AUH: variants seen among roughly 807,000 people sequenced by gnomAD.
AUH encodes the protein methylglutaconyl-CoA hydratase, mitochondrial.
In AUH, 29 loss-of-function variants were observed where a neutral mutation model predicts 42.3. The observed-to-expected ratio is 0.69, with a 90% CI of 0.51 to 0.93. The LOEUF (loss-of-function observed/expected upper bound fraction) is 0.93, where lower values mean the gene tolerates loss of function less well. Among genes scored for constraint, AUH ranks in the 40% least tolerant of loss-of-function variants. The pLI is 0.00. For missense variants in AUH, 452 were observed against 438.1 expected (o/e 1.03, Z -0.28); for synonymous variants, 174 against 166.4 (o/e 1.05, Z -0.35).
At position 91,303,233 on chromosome 9, in the gene AUH, C is replaced by T. The variant is rs189646623; in HGVS notation, c.506-5157G>A. Among the ~76,000 whole-genome samples the T allele has an allele frequency of 6.4e-4, 98 of 152,204 alleles. 1 individual carries two copies. The highest frequency in any genetic ancestry group is 2.2e-3 in the African/African-American group (93 of 41,528). On this transcript the variant is annotated intron_variant, in intron 4 of 9. Transcript: ENST00000375731. ...TGGGGAAAATTAAAGTATCTACTTT[C>T]GATTCTCAGATAAATACAACACATA...
chr9:91,267,687 T>C (rs557806858), intron 6 of AUH, among the ~76,000 whole-genome samples: 3 of 152,208 alleles, frequency 2.0e-5, no homozygotes, highest in Non-Finnish European at 4.4e-5. Context: ...TTGCTGTTAG[T>C]GGTTTAAGGG....
intron 6 of AUH, among the ~76,000 whole-genome samples, chr9:91,237,879 T>C (rs1277706190): frequency 1.3e-5 from 2 of 152,190 alleles, no homozygotes; most frequent in Non-Finnish European, 2.9e-5. Context: ...ATCAAGTTTA[T>C]TTACAATAGC....
At chr9:91,241,731 T>C (rs973001426) in intron 6 of AUH, among the ~76,000 whole-genome samples, 1 of 152,174 alleles carries the variant, frequency 6.6e-6, no homozygotes, top group Non-Finnish European at 1.5e-5. Context: ...ACTTAATACC[T>C]TGATATCTAC....
chr9:91,301,218 C>T (rs1163064919), intron 4 of AUH, among the ~76,000 whole-genome samples: 3 of 152,074 alleles, frequency 2.0e-5, no homozygotes, highest in East Asian at 1.9e-4. Context: ...CTCCCTGCTA[C>T]GTAAGTGCTG....
At chr9:91,225,418 G>C (rs892870417) in intron 6 of AUH, among the ~76,000 whole-genome samples, 1 of 152,196 alleles carries the variant, frequency 6.6e-6, no homozygotes, top group Admixed American at 6.5e-5. Flanking sequence ...TAAAAGTGAA[G>C]ATAGCGTATC....
intron 3 of AUH, among the ~76,000 whole-genome samples, chr9:91,341,302 G>T (rs972884293): frequency 2.0e-5 from 3 of 152,138 alleles, no homozygotes; most frequent in Non-Finnish European, 4.4e-5. Flanking sequence ...CACCCACTAG[G>T]GGGGGCCCAT....
rs987385743 is a variant in AUH at position 91,214,375 on chromosome 9, T to C, written c.993A>G (p.Lys331=). The C allele has an allele frequency of 6.2e-7, 1 of 1,610,490 alleles. No individual in the cohort carries two copies. The highest frequency in any genetic ancestry group is 1.7e-5 in the Admixed American group (1 of 59,818). The part of the protein sequence containing the change: ...RLEGLLAFKE[K]RPPRYKGE The stretch of plus-strand genomic sequence containing the variant: ...ATTCTCCTTTATAGCGAGGGGGCCT[T>C]TTCTCTTTAAAAGCAAGAAGACCTT... The change falls in exon 10 of 10, where the codon AAA becomes AAG. Residue 331 remains lysine, a synonymous_variant. Coordinates refer to ENST00000375731, the MANE Select transcript of AUH (RefSeq NM_001698.3).
rs528370133 is a variant in AUH, at chr9:91,215,181, A to G, written c.943-756T>C. The stretch of plus-strand genomic sequence containing the variant: ...TTTTTTGCTATTTCAGATGCCCTAA[A>G]ACAAAGTTCTATCTTTCAGAGAAAG... On this transcript the variant is annotated intron_variant, in intron 9 of 9. Transcript: ENST00000375731. Among the ~76,000 whole-genome samples the G allele has an allele frequency of 1.4e-3, 213 of 152,346 alleles. 1 individual carries two copies. The highest frequency in any genetic ancestry group is 6.8e-3 in the Middle Eastern group (2 of 294).
intron 6 of AUH, among the ~76,000 whole-genome samples, chr9:91,227,357 T>C (rs1374620120): frequency 8.2e-6 from 1 of 122,504 alleles, no homozygotes; most frequent in Non-Finnish European, 1.8e-5. Flanking sequence ...TCTGTTTGTC[T>C]GTTGTTGGTG....
intron 4 of AUH, among the ~76,000 whole-genome samples, chr9:91,320,254 CTT>C (rs1362689418): frequency 6.6e-6 from 1 of 152,216 alleles, no homozygotes; most frequent in Admixed American, 6.5e-5. Flanking sequence ...GTATGCATAT[CTT>C]GTTTCTAACT....
chr9:91,293,730 G>C (rs960268266), intron 6 of AUH, among the ~76,000 whole-genome samples: 2 of 152,198 alleles, frequency 1.3e-5, no homozygotes, highest in Non-Finnish European at 2.9e-5. Flanking sequence ...AGAAGATCTA[G>C]CTAAGATCAC....
chr9:91,249,476 T>TTG (rs1245110704), intron 6 of AUH, among the ~76,000 whole-genome samples: 1 of 149,486 alleles, frequency 6.7e-6, no homozygotes, highest in East Asian at 2.0e-4. Context: ...CTTGTGGCTA[T>TTG]TCTTTGAGCT....
intron 3 of AUH, among the ~76,000 whole-genome samples, chr9:91,333,627 G>A (rs1422435693): frequency 1.3e-5 from 2 of 152,088 alleles, no homozygotes; most frequent in African/African-American, 4.8e-5. Flanking sequence ...AGTGAGGCAG[G>A]ATTTACCATC....
intron 3 of AUH, among the ~76,000 whole-genome samples, chr9:91,344,014 A>AAGTGGG (rs992814240): frequency 2.0e-5 from 3 of 152,182 alleles, no homozygotes; most frequent in Admixed American, 6.5e-5. Context: ...CCATGATGGA[A>AAGTGGG]AGTGGGAGTG....
chr9:91,278,506 A>C (rs921600422), intron 6 of AUH, among the ~76,000 whole-genome samples: 2 of 152,236 alleles, frequency 1.3e-5, no homozygotes, highest in Non-Finnish European at 2.9e-5. Context: ...AATGCCTTTT[A>C]AGATCGTCAC....
At chr9:91,246,934 G>T (rs1019124970) in intron 6 of AUH, among the ~76,000 whole-genome samples, 3 of 152,216 alleles carry the variant, frequency 2.0e-5, no homozygotes, top group African/African-American at 7.2e-5. Context: ...CATGCCAGCA[G>T]CGGAGCCATG....
At chr9:91,242,918 C>T (rs1828598490) in intron 6 of AUH, among the ~76,000 whole-genome samples, 1 of 152,180 alleles carries the variant, frequency 6.6e-6, no homozygotes, top group Non-Finnish European at 1.5e-5. Flanking sequence ...TTCTGATATT[C>T]TTTATCAAAA....
At chr9:91,348,129 T>C (rs562661534) in intron 3 of AUH, among the ~76,000 whole-genome samples, 78 of 148,630 alleles carry the variant, frequency 5.2e-4, no homozygotes, top group Middle Eastern at 3.5e-3. Context: ...AAGAAAAACA[T>C]TGGGAAAAAA....
At chr9:91,252,061 G>A (rs977730241) in intron 6 of AUH, among the ~76,000 whole-genome samples, 11 of 151,944 alleles carry the variant, frequency 7.2e-5, no homozygotes, top group African/African-American at 1.7e-4. Context: ...CCACCTCCCC[G>A]GTTCAAGTGA....
Sources: allele counts gnomAD v4.1 joint callset (sites outside exome capture counted in the v4.1 genomes callset), GRCh38; gene constraint gnomAD v4.1.1; transcripts MANE v1.5; gene names NCBI Gene and HGNC (gene_info 2026-07-23, HGNC 2026-07-21).